TTLL11: variants seen among roughly 807,000 people sequenced by gnomAD.
TTLL11 encodes the protein tubulin tyrosine ligase like 11.
A neutral mutation model predicts 51.7 loss-of-function variants in TTLL11; 42 were observed. That is an observed-to-expected ratio of 0.81 (90% confidence interval 0.64 to 1.05). The LOEUF (loss-of-function observed/expected upper bound fraction) is 1.05. TTLL11 is among the 50% of genes least tolerant of loss of function. The probability of loss-of-function intolerance (pLI) is 0.00; values close to 1 mark genes in which losing one functional copy is unlikely to be tolerated. For missense variants in TTLL11, 799 were observed against 940.4 expected, an observed-to-expected ratio of 0.85 and a Z score of 1.97; for synonymous variants, 381 against 383.5, an observed-to-expected ratio of 0.99 and a Z score of 0.08.
chr9:122,043,010 T>C (rs1238426153), intron 1 of TTLL11, among the ~76,000 whole-genome samples: 1 of 152,170 alleles, frequency 6.6e-6, no homozygotes, highest in African/African-American at 2.4e-5. Flanking sequence ...ACTATAATGG[T>C]AGATACATGT....
intron 2 of TTLL11, among the ~76,000 whole-genome samples, chr9:122,035,713 C>A (rs79849547): frequency 0.04 from 6,070 of 152,266 alleles, 393 homozygotes; most frequent in African/African-American, 0.14. Context: ...AGACTCTTAG[C>A]TACATCTCTG....
intron 6 of TTLL11, among the ~76,000 whole-genome samples, chr9:121,891,003 C>T (rs187860703): frequency 2.0e-5 from 3 of 152,338 alleles, no homozygotes; most frequent in South Asian, 4.1e-4. Context: ...CTGGCCTCTG[C>T]CTGGAACTTC....
intron 6 of TTLL11, among the ~76,000 whole-genome samples, chr9:121,931,805 G>GAATAT (rs1840994658): frequency 6.6e-6 from 1 of 152,026 alleles, no homozygotes. Flanking sequence ...GAAGCCACTG[G>GAATAT]TCCCTCTGCA....
chr9:121,936,058 A>C (rs140760871), intron 6 of TTLL11, among the ~76,000 whole-genome samples: 20 of 152,276 alleles, frequency 1.3e-4, no homozygotes, highest in Admixed American at 3.9e-4. Context: ...AATACTCTAC[A>C]TGAAGGGTGG....
intron 6 of TTLL11, among the ~76,000 whole-genome samples, chr9:121,949,219 C>T (rs138839795): frequency 1.3e-5 from 2 of 152,322 alleles, no homozygotes; most frequent in African/African-American, 4.8e-5. Flanking sequence ...CCTCATCCAA[C>T]CACTCAATAC....
chr9:121,953,816 G>A (rs547760210), intron 6 of TTLL11, among the ~76,000 whole-genome samples: 197 of 152,166 alleles, frequency 1.3e-3, no homozygotes, highest in Non-Finnish European at 2.4e-3. Context: ...ATCGAAGCAT[G>A]CTTTTTGGAG....
chr9:121,996,516 GCA>G (rs1355573045), intron 3 of TTLL11, among the ~76,000 whole-genome samples: 4 of 152,020 alleles, frequency 2.6e-5, no homozygotes, highest in African/African-American at 9.7e-5. Flanking sequence ...GCGAGCACAT[GCA>G]CACACATGCA....
At chr9:121,953,774 ACGAACC>A (rs2131608452) in intron 6 of TTLL11, among the ~76,000 whole-genome samples, 1 of 152,208 alleles carries the variant, frequency 6.6e-6, no homozygotes, top group Non-Finnish European at 1.5e-5. Context: ...AAAAAACCCG[ACGAACC>A]TTGCATGGGG....
At chr9:122,039,991 T>C (rs1844803822) in intron 1 of TTLL11, among the ~76,000 whole-genome samples, 1 of 152,032 alleles carries the variant, frequency 6.6e-6, no homozygotes, top group Non-Finnish European at 1.5e-5. Flanking sequence ...CCTGAATTAA[T>C]AAATGAACAA....
At chr9:122,022,853 A>G (rs896434518) in intron 3 of TTLL11, among the ~76,000 whole-genome samples, 2 of 152,020 alleles carry the variant, frequency 1.3e-5, no homozygotes, top group African/African-American at 2.4e-5. Flanking sequence ...TATAAAAACA[A>G]CAGCATAAAA....
At chr9:121,886,834 A>C (rs79554160) in intron 6 of TTLL11, among the ~76,000 whole-genome samples, 2,741 of 152,328 alleles carry the variant, frequency 0.018, 37 homozygotes, top group Middle Eastern at 0.048. Flanking sequence ...AATATCCTGG[A>C]AACTTCTTTC....
chr9:122,052,051 A>T (rs1041444647), intron 1 of TTLL11, among the ~76,000 whole-genome samples: 2 of 152,228 alleles, frequency 1.3e-5, no homozygotes, highest in African/African-American at 4.8e-5. Flanking sequence ...TCAATCAAGA[A>T]AAAAAGCAGA....
chr9:121,954,833 A>C (rs939640523), intron 6 of TTLL11, among the ~76,000 whole-genome samples: 1 of 152,228 alleles, frequency 6.6e-6, no homozygotes, highest in Non-Finnish European at 1.5e-5. Flanking sequence ...TTAAAGGATG[A>C]AATCTTTCTT....
Position 121,819,681 on chromosome 9 carries a change from C to T in TTLL11, c.*2906G>A, listed in dbSNP as rs1289157189. ...GGGCGCTTGCAGGGATGGGGCTTAT[C>T]CTGCAGCAAAGCACAGGGGCTGCCC... On this transcript the variant is annotated 3_prime_UTR_variant, in exon 9 of 9. Coordinates refer to ENST00000321582, the MANE Select transcript of TTLL11 (RefSeq NM_001139442.2). Among the ~76,000 whole-genome samples the T allele has an allele frequency of 6.6e-6, 1 of 152,052 alleles. No individual in the cohort carries two copies. Among genetic ancestry groups the T allele is most frequent in the Non-Finnish European group, 1.5e-5 (1 of 68,006 alleles).
chr9:121,838,988 C>T (rs548427592), intron 8 of TTLL11, among the ~76,000 whole-genome samples: 2 of 152,356 alleles, frequency 1.3e-5, no homozygotes, highest in Non-Finnish European at 1.5e-5. Flanking sequence ...GCCTTCATTT[C>T]GCAGAACCTG....
At position 122,093,132 on chromosome 9, in the gene TTLL11, G is replaced by T; in HGVS notation, c.17C>A (p.Ser6Tyr). The T allele has an allele frequency of 6.7e-7, 1 of 1,492,364 alleles. No individual in the cohort carries two copies. The highest frequency in any genetic ancestry group is 8.9e-7 in the Non-Finnish European group (1 of 1,127,974). 92.4% of individuals were successfully genotyped at this position (1,492,364 alleles called of 1,614,324 possible). A position where few individuals can be genotyped will look rare whatever the true frequency, so the allele number is the denominator to read the frequency against. Residue 6 changes from serine (S) to tyrosine (Y), a missense_variant, in exon 1 of 9, where the codon TCC becomes TAC. By Grantham distance (144) the Ser-to-Tyr change is moderately radical. Around this residue, in one of 3 missense-constraint regions of TTLL11, gnomAD observed 166 missense variants for 161.6 expected, o/e 1.03. Transcript: ENST00000321582. MRRGSSESELAARWEA... is the reference protein window; with the variant it reads MRRGSYESELAARWEA... ...CCACCGGGCCGCCAGCTCGCTCTCG[G>T]AGCTGCCCCGCCGCATGGTGCTCAG... is the stretch of plus-strand genomic sequence containing the variant.
chr9:121,876,797 T>C (rs1588087651), intron 6 of TTLL11, among the ~76,000 whole-genome samples: 1 of 152,212 alleles, frequency 6.6e-6, no homozygotes, highest in Non-Finnish European at 1.5e-5. Context: ...GATAACTTGT[T>C]AGTAATGTAC....
chr9:122,082,834 T>C (rs1355804192), intron 1 of TTLL11, among the ~76,000 whole-genome samples: 1 of 151,960 alleles, frequency 6.6e-6, no homozygotes, highest in East Asian at 1.9e-4. Context: ...GGAGACTAGC[T>C]TGGGCAACAT....
At chr9:121,899,482 C>T (rs923215174) in intron 6 of TTLL11, among the ~76,000 whole-genome samples, 1 of 151,250 alleles carries the variant, frequency 6.6e-6, no homozygotes, top group Admixed American at 6.6e-5. Context: ...AAGCTCACTG[C>T]GGCCTTGAAT....
Sources: allele counts gnomAD v4.1 joint callset (sites outside exome capture counted in the v4.1 genomes callset), GRCh38; gene constraint gnomAD v4.1.1; regional missense constraint gnomAD v4.1.1; transcripts MANE v1.5; gene names NCBI Gene and HGNC (gene_info 2026-07-23, HGNC 2026-07-21).